The following DGKG variants were observed in gnomAD, a reference collection of about 807,000 sequenced individuals.
DGKG encodes diacylglycerol kinase gamma, also known as DAG kinase gamma.
In DGKG, 78 loss-of-function variants were observed where a neutral mutation model predicts 105.3. That is an observed-to-expected ratio of 0.74 (90% CI 0.62 to 0.89). The LOEUF (loss-of-function observed/expected upper bound fraction) is 0.89. DGKG is among the 40% of genes least tolerant of loss of function. The pLI, the probability that DGKG is intolerant of heterozygous loss-of-function variation, is 0.00. For synonymous variants in DGKG, 346 were observed against 367.1 expected, an observed-to-expected ratio of 0.94 and a Z score of 0.66; for missense variants, 958 against 1,020.1, an observed-to-expected ratio of 0.94 and a Z score of 0.83.
At position 186,231,779 on chromosome 3, in the gene DGKG, G is replaced by A. The variant is rs1398948199; in HGVS notation, c.1826+10725C>T. On this transcript the variant is annotated intron_variant, in intron 20 of 24. Coordinates refer to ENST00000265022, the MANE Select transcript of DGKG (RefSeq NM_001346.3). The surrounding 1 kb of genome is among the most constrained non-coding windows in gnomAD (Gnocchi z 4.5). The stretch of plus-strand genomic sequence containing the variant: ...ACTAAAAATACAAAAAAATTAGCTG[G>A]GCATGGTGGCGCGCACCTGTAATCC... Among the ~76,000 whole-genome samples the A allele has an allele frequency of 6.6e-6, 1 of 152,078 alleles. No homozygotes were observed. The highest frequency in any genetic ancestry group is 1.5e-5 in the Non-Finnish European group (1 of 68,026).
intron 19 of DGKG, among the ~76,000 whole-genome samples, chr3:186,245,805 G>A (rs1720910721): frequency 6.6e-6 from 1 of 152,008 alleles, no homozygotes; most frequent in Admixed American, 6.5e-5. Context: ...AGATATTGGA[G>A]TATCTAGGCC....
At chr3:186,330,912 G>T (rs937025900) in intron 1 of DGKG, among the ~76,000 whole-genome samples, 4 of 152,232 alleles carry the variant, frequency 2.6e-5, no homozygotes, top group African/African-American at 9.6e-5. Context: ...GGGGCAGTTA[G>T]TTATGTAATC....
Position 186,310,265 on chromosome 3 carries a change from C to CAAAAAAAAAAAAAA in DGKG, c.68-3302_68-3289dup, listed in dbSNP as rs1165723037. ...CTGGCAACAAAGCAAGACTCCGTCT[C>CAAAAAAAAAAAAAA]AAAAAAAAAAAAAAAAAAAAAAAAC... On this transcript the variant is annotated intron_variant, in intron 2 of 24. Transcript: ENST00000265022. Among the ~76,000 whole-genome samples the CAAAAAAAAAAAAAA allele has an allele frequency of 3.1e-3, 102 of 33,280 alleles. 15 individuals carry two copies. The highest frequency in any genetic ancestry group is 8.0e-3 in the African/African-American group (89 of 11,094). 21.8% of individuals were successfully genotyped at this position (33,280 alleles called of 152,430 possible).
chr3:186,250,557 C>CTTTTTTTTTTTTTTTTTTTTT (rs10529645), intron 19 of DGKG, among the ~76,000 whole-genome samples: 8 of 116,178 alleles, frequency 6.9e-5, no homozygotes, highest in African/African-American at 9.8e-5. Context: ...TTCTGTCATT[C>CTTTTTTTTTTTTTTTTTTTTT]TTTTTTTTTT....
At chr3:186,260,832 C>T (rs1161032019) in intron 15 of DGKG, among the ~76,000 whole-genome samples, 2 of 152,250 alleles carry the variant, frequency 1.3e-5, no homozygotes, top group Admixed American at 6.5e-5. Flanking sequence ...GCTTTATCCT[C>T]CACAGAGACC....
At chr3:186,286,013 G>T (rs1447560895) in intron 6 of DGKG, among the ~76,000 whole-genome samples, 1 of 152,104 alleles carries the variant, frequency 6.6e-6, no homozygotes, top group Non-Finnish European at 1.5e-5. Context: ...CCTTCATCAT[G>T]CCTGCTTTCT....
At chr3:186,227,060 A>T (rs1381534238) in intron 20 of DGKG, among the ~76,000 whole-genome samples, 2 of 151,930 alleles carry the variant, frequency 1.3e-5, no homozygotes, top group Non-Finnish European at 2.9e-5. Context: ...AGATTTGATG[A>T]CCCCCTTTGG....
intron 20 of DGKG, among the ~76,000 whole-genome samples, chr3:186,236,865 G>T (rs1393705967): frequency 6.6e-6 from 1 of 152,192 alleles, no homozygotes. Flanking sequence ...CACTCAACAG[G>T]TTTAGAATAA....
chr3:186,273,857 G>A (rs920921520), intron 10 of DGKG, among the ~76,000 whole-genome samples: 5 of 152,208 alleles, frequency 3.3e-5, no homozygotes, highest in African/African-American at 1.2e-4. Context: ...GGTGTCTGGT[G>A]GGTTCAGGCT....
chr3:186,182,622 TCTTA>T (rs1287877509), intron 22 of DGKG, among the ~76,000 whole-genome samples: 2 of 152,230 alleles, frequency 1.3e-5, no homozygotes, highest in African/African-American at 4.8e-5. Flanking sequence ...GGCCAGCACA[TCTTA>T]CTTATCAAAT....
chr3:186,257,229 ACT>A (rs1326575728), intron 17 of DGKG, among the ~76,000 whole-genome samples: 1 of 151,714 alleles, frequency 6.6e-6, no homozygotes, highest in African/African-American at 2.4e-5. Flanking sequence ...TTAGATCTTG[ACT>A]CTGCTTCCAT....
intron 5 of DGKG, among the ~76,000 whole-genome samples, chr3:186,296,169 A>T (rs1029017554): frequency 9.9e-5 from 15 of 151,974 alleles, no homozygotes; most frequent in Admixed American, 5.9e-4. Context: ...CTGAATAATA[A>T]ATGCTAATAT....
intron 7 of DGKG, chr3:186,281,409 C>G (rs1722823081): frequency 6.6e-6 from 1 of 152,274 alleles, no homozygotes; most frequent in Non-Finnish European, 1.5e-5. Context: ...GCCAATGAGT[C>G]AGTGTTCTGA....
intron 20 of DGKG, among the ~76,000 whole-genome samples, chr3:186,220,870 C>T (rs1013594500): frequency 6.6e-6 from 1 of 152,190 alleles, no homozygotes; most frequent in Non-Finnish European, 1.5e-5. Flanking sequence ...TGTGTTTCTG[C>T]GGACCAAGGA....
At chr3:186,194,298 C>T (rs1718063401) in intron 21 of DGKG, among the ~76,000 whole-genome samples, 1 of 152,248 alleles carries the variant, frequency 6.6e-6, no homozygotes, top group African/African-American at 2.4e-5. Flanking sequence ...TCGATCCCTA[C>T]AATCACAGAA....
intron 5 of DGKG, among the ~76,000 whole-genome samples, chr3:186,289,858 C>T (rs1171910819): frequency 6.6e-6 from 1 of 152,210 alleles, no homozygotes; most frequent in Non-Finnish European, 1.5e-5. Context: ...GTTACCTGTA[C>T]ACTCTTCATT....
At chr3:186,268,344 C>T (rs1722153890) in intron 12 of DGKG, among the ~76,000 whole-genome samples, 1 of 152,184 alleles carries the variant, frequency 6.6e-6, no homozygotes. Flanking sequence ...CTAGCATGTG[C>T]TGTGGCTGGT....
In DGKG at chr3:186,219,634, A is replaced by G. The variant is rs16860558; in HGVS notation, c.1827-7749T>C. 8.0e-4 allele frequency among the ~76,000 whole-genome samples: 121 copies of G among 152,178 alleles called. 2 individuals are homozygous for G. The East Asian group carries it at 0.018, about 23-fold the overall frequency. On this transcript the variant is annotated intron_variant, in intron 20 of 24. Coordinates refer to ENST00000265022, the MANE Select transcript of DGKG (RefSeq NM_001346.3). Reference sequence around the variant, plus strand: ...TTGGGACAAGACTGGTGTTCATGGCACTCAGAAAAATCTAGGGTGGTGAAT... The same window carrying G: ...TTGGGACAAGACTGGTGTTCATGGCGCTCAGAAAAATCTAGGGTGGTGAAT...
At chr3:186,271,275 C>A (rs1456514075) in intron 11 of DGKG, among the ~76,000 whole-genome samples, 1 of 152,154 alleles carries the variant, frequency 6.6e-6, no homozygotes, top group Non-Finnish European at 1.5e-5. Flanking sequence ...CCATTCCCTA[C>A]CTTTTCCCTT....
Sources: gnomAD v4.1 joint callset for allele counts (sites outside exome capture counted in the v4.1 genomes callset) on GRCh38, gnomAD v4.1.1 for gene constraint, Gnocchi (gnomAD v3.1) non-coding constraint, MANE v1.5 for transcripts, NCBI Gene and HGNC (gene_info 2026-07-23, HGNC 2026-07-21) for gene names.